CARNS1: variants seen among roughly 807,000 people sequenced by gnomAD.
CARNS1 encodes the protein ATP-grasp domain containing 1.
Under a neutral mutation model 74.0 loss-of-function variants are expected in CARNS1, and 61 were observed. The observed-to-expected ratio is 0.82, with a 90% CI of 0.67 to 1.02. The LOEUF (loss-of-function observed/expected upper bound fraction) is 1.02, where lower values mean the gene tolerates loss of function less well. Among genes scored for constraint, CARNS1 ranks in the 50% least tolerant of loss-of-function variants. The probability of loss-of-function intolerance (pLI) is 0.00; values close to 1 mark genes in which losing one functional copy is unlikely to be tolerated. For synonymous variants in CARNS1, 568 were observed against 605.5 expected, an observed-to-expected ratio of 0.94 and a Z score of 0.91; for missense variants, 1,278 against 1,308.4, an observed-to-expected ratio of 0.98 and a Z score of 0.36.
At position 67,419,754 on chromosome 11, in the gene CARNS1, T is replaced by G; in HGVS notation, c.1029T>G (p.Asp343Glu). ...VYPPAQLPCSDGPSPGPGLAV... is the reference protein window; with the variant it reads ...VYPPAQLPCSEGPSPGPGLAV... The stretch of plus-strand genomic sequence containing the variant: ...TTAGACCTCCCCGTCTTCCCCCAGA[T>G]GGTCCTTCACCCGGCCCCGGCCTGG... Residue 343 changes from aspartate to glutamate, a missense_variant and splice_region_variant, in exon 7 of 10, where the codon GAT (aspartate) becomes GAG (glutamate). Coordinates refer to ENST00000687366, the MANE Select transcript of CARNS1 (RefSeq NM_001166222.2). 6.2e-7 allele frequency: 1 copy of G among 1,603,548 alleles called. No homozygotes were observed. The highest frequency in any genetic ancestry group is 8.5e-7 in the Non-Finnish European group (1 of 1,175,528).
intron 7 of CARNS1, 134 bp from the exon 8 acceptor site, chr11:67,420,475 T>A: frequency 2.1e-6 from 1 of 479,610 alleles, no homozygotes; most frequent in South Asian, 1.1e-4. Flanking sequence ...CGTGTGCAAT[T>A]TAAGACACGT....
At position 67,417,421 on chromosome 11, in the gene CARNS1, A is replaced by G; in HGVS notation, c.18A>G (p.Pro6=). Reference sequence around the variant, plus strand: ...TGCCCTCTCAGCTCTCCCTGGATCCATCGGGTCCCGAGTGGGATTGCCCAC... The same window carrying G: ...TGCCCTCTCAGCTCTCCCTGGATCCGTCGGGTCCCGAGTGGGATTGCCCAC... MLSLD[P]SGPEWDCPLG... The change falls in exon 3 of 10, where the codon CCA becomes CCG. Residue 6 remains proline (P), a synonymous_variant. Coordinates refer to ENST00000687366, the MANE Select transcript of CARNS1 (RefSeq NM_001166222.2). 7 of 1,388,278 alleles carry G rather than the reference A, an allele frequency of 5.0e-6. No homozygotes were observed. Among genetic ancestry groups the G allele is most frequent in the Non-Finnish European group, 6.5e-6 (7 of 1,072,068 alleles). 86.0% of individuals were successfully genotyped at this position (1,388,278 alleles called of 1,614,324 possible).
intron 2 of CARNS1, chr11:67,416,419 A>G (rs1306252425): frequency 2.1e-6 from 3 of 1,395,456 alleles, no homozygotes; most frequent in Non-Finnish European, 2.8e-6. Context: ...ATGGCCCCTC[A>G]GGGAGCTCAC....
intron 5 of CARNS1, 46 bp downstream of exon 5, chr11:67,419,289 G>A (rs1227287757): frequency 2.0e-6 from 3 of 1,467,758 alleles, no homozygotes; most frequent in Non-Finnish European, 2.7e-6. Context: ...ATGCCAGCAG[G>A]ATGGGACCCA....
In CARNS1 at chr11:67,425,058, TC is replaced by T. The variant is rs1490290738; in HGVS notation, c.*458del. ...CCTGAGACTAGAACCCTTGTCTTCC[TC>T]TTACCCAAATTCTAGGATAGCTCTG... is the stretch of plus-strand genomic sequence containing the variant. On this transcript the variant is annotated 3_prime_UTR_variant, in exon 10 of 10. Transcript: ENST00000687366. The T allele has an allele frequency of 2.2e-6, 1 of 462,470 alleles. No homozygotes were observed. Among genetic ancestry groups the T allele is most frequent in the African/African-American group, 2.0e-5 (1 of 50,474 alleles). The allele number at this position is 462,470 out of a possible 1,614,324, so 28.6% of individuals were successfully genotyped here.
rs1411703161 is a variant in CARNS1, at chr11:67,416,100, T to G, written c.-24-76T>G. The G allele has an allele frequency of 3.3e-6, 3 of 903,732 alleles. No homozygotes were observed. The East Asian group carries it at 7.9e-5, about 24-fold the overall frequency. 56.0% of individuals were successfully genotyped at this position (903,732 alleles called of 1,614,324 possible). On this transcript the variant is annotated intron_variant, in intron 1 of 9. Coordinates refer to ENST00000687366, the MANE Select transcript of CARNS1 (RefSeq NM_001166222.2). ...CGGCCACCTCTCCACTCCCAAAGTC[T>G]AGGGGCTGGAAGGCCAGGCAGGGAC...
rs375431003 is a variant in CARNS1, at chr11:67,423,794, A to C, written c.2046A>C (p.Ala682=). The change falls in exon 10 of 10, where the codon GCA becomes GCC. Residue 682 remains alanine, a synonymous_variant. Transcript: ENST00000687366. This position sits in a 1 kb window ranked among gnomAD's most constrained non-coding sequence, Gnocchi z 5.1. ...TGAAGCTGGAGTTCGGGGCAGGTGC[A>C]GTGGGTGTCCGGCTGGTAGAGGATG... ...GVMKLEFGAG[A]VGVRLVEDAP... 3.7e-6 allele frequency: 6 copies of C among 1,603,460 alleles called. No homozygotes were observed. The highest frequency in any genetic ancestry group is 5.1e-6 in the Non-Finnish European group (6 of 1,178,372).
Position 67,416,216 on chromosome 11 carries a change from G to A in CARNS1, c.3+14G>A, listed in dbSNP as rs962986614. 1 of 1,536,834 alleles carries A rather than the reference G, an allele frequency of 6.5e-7. No individual in the cohort carries two copies. Among genetic ancestry groups the A allele is most frequent in the African/African-American group, 1.4e-5 (1 of 73,122 alleles). ...ACCCACGAGATGGTGAGTCTTCTGTGGTCCCTCCCCCACAAGGCCCAAGTC... is the reference window on the plus strand; with the variant it reads ...ACCCACGAGATGGTGAGTCTTCTGTAGTCCCTCCCCCACAAGGCCCAAGTC... On this transcript the variant is annotated intron_variant, in intron 2 of 9. Transcript: ENST00000687366.
At chr11:67,417,237 C>T in intron 2 of CARNS1, 170 bp from the exon 3 acceptor site, 32 of 1,235,696 alleles carry the variant, frequency 2.6e-5, no homozygotes, top group Non-Finnish European at 2.9e-5. Context: ...CGGTTGCGTT[C>T]CCATTAACAA....
intron 2 of CARNS1, 104 bp downstream of exon 2, chr11:67,416,306 C>T (rs1863543594): frequency 6.5e-7 from 1 of 1,528,958 alleles, no homozygotes; most frequent in Non-Finnish European, 8.8e-7. Context: ...GGGAGTTGCC[C>T]CCTGCAGACA....
chr11:67,419,137 T>C lies in CARNS1; in HGVS notation c.746T>C (p.Leu249Pro). ...PGLLRGGDAS[L>P]GLRLVELSGK... ...CTGCTGCGGGGAGGGGATGCCAGCC[T>C]AGGGCTACGGCTGGTGGAGCTGAGT... The change falls in exon 5 of 10, where the codon CTA becomes CCA. Residue 249 changes from leucine to proline, a missense_variant. Leu to Pro is a moderately conservative substitution (Grantham distance 98). Around this residue, in one of 3 missense-constraint regions of CARNS1, gnomAD observed 1,164 missense variants for 1,156.5 expected, o/e 1.01. Transcript: ENST00000687366. 6.4e-7 allele frequency: 1 copy of C among 1,572,884 alleles called. No homozygotes were observed. Among genetic ancestry groups the C allele is most frequent in the Non-Finnish European group, 8.6e-7 (1 of 1,157,572 alleles).
rs1303525949 is a variant in CARNS1, at chr11:67,424,800, C to T, written c.*199C>T. The stretch of plus-strand genomic sequence containing the variant: ...TGGACTCAAGGGCCTCTTGCCCTCC[C>T]GAAGGCCCCAGTCCAGCCTACAGCT... On this transcript the variant is annotated 3_prime_UTR_variant, in exon 10 of 10. Transcript: ENST00000687366. 1.1e-5 allele frequency: 7 copies of T among 648,812 alleles called. No homozygotes were observed. The highest frequency in any genetic ancestry group is 1.9e-5 in the South Asian group (1 of 53,786). 40.2% of individuals were successfully genotyped at this position (648,812 alleles called of 1,614,324 possible). A position where few individuals can be genotyped will look rare whatever the true frequency, so the allele number is the denominator to read the frequency against.
rs1357887280 is a variant in CARNS1 at position 67,424,718 on chromosome 11, G to A, written c.*117G>A. 12 of 1,170,640 alleles carry A rather than the reference G, an allele frequency of 1.0e-5. No homozygotes were observed. The highest frequency in any genetic ancestry group is 3.0e-4 in the Middle Eastern group (1 of 3,388). 72.5% of individuals were successfully genotyped at this position (1,170,640 alleles called of 1,614,324 possible). The stretch of plus-strand genomic sequence containing the variant: ...CCATGCCCCAGCCCCAGCCTGGCCC[G>A]CTGCAATGCCTAGGTCTGTTCCAGA... On this transcript the variant is annotated 3_prime_UTR_variant, in exon 10 of 10. Transcript: ENST00000687366.
At position 67,424,401 on chromosome 11, in the gene CARNS1, C is replaced by G. The variant is rs1222123674; in HGVS notation, c.2653C>G (p.Leu885Val). The change falls in exon 10 of 10, where the codon CTG (leucine) becomes GTG (valine). Residue 885 changes from leucine (L) to valine (V), a missense_variant. Transcript: ENST00000687366. Reference protein sequence around the residue: ...STASRETLQALHDRGLLRLNL... With the variant: ...STASRETLQAVHDRGLLRLNL... ...CGCCAGCCGTGAGACCCTGCAGGCC[C>G]TGCACGACCGTGGACTGCTACGCCT... The G allele has an allele frequency of 6.3e-7, 1 of 1,591,238 alleles. No individual in the cohort carries two copies. Among genetic ancestry groups the G allele is most frequent in the Non-Finnish European group, 8.6e-7 (1 of 1,169,138 alleles).
chr11:67,416,835 G>T, intron 2 of CARNS1: 4 of 986,592 alleles, frequency 4.1e-6, no homozygotes, highest in South Asian at 4.7e-5. Flanking sequence ...CTGCAGGGGG[G>T]ATACTGTCTA....
chr11:67,416,748 T>G, intron 2 of CARNS1: 2 of 986,058 alleles, frequency 2.0e-6, no homozygotes, highest in Non-Finnish European at 2.4e-6. Context: ...CAGCCCCATA[T>G]TGGGGGGGCG....
chr11:67,416,909 C>G lies in CARNS1; in HGVS notation c.4-498C>G, dbSNP rs144648338. 6 of 987,112 alleles carry G rather than the reference C, an allele frequency of 6.1e-6. No homozygotes were observed. In the African/African-American group the frequency reaches 8.7e-5, roughly 14 times the overall value. The allele number at this position is 987,112 out of a possible 1,614,324, so 61.1% of individuals were successfully genotyped here. A position where few individuals can be genotyped will look rare whatever the true frequency, so the allele number is the denominator to read the frequency against. On this transcript the variant is annotated intron_variant, in intron 2 of 9. Transcript: ENST00000687366. The stretch of plus-strand genomic sequence containing the variant: ...GGCTTCAAGACCTACGTGGGGATGA[C>G]AGTGGAATCACATTTAGGTGTCAGC...
chr11:67,423,275 G>A lies in CARNS1; in HGVS notation c.1627-100G>A, dbSNP rs930476260. ...CATTTATTGAGCACCTAGTGTTTGT[G>A]TACTCGTATCCCCTGAAGGGGCCAT... On this transcript the variant is annotated intron_variant, in intron 9 of 9. Transcript: ENST00000687366. The surrounding 1 kb of genome is among the most constrained non-coding windows in gnomAD (Gnocchi z 5.1). 8.5e-7 allele frequency: 1 copy of A among 1,180,570 alleles called. No homozygotes were observed. The highest frequency in any genetic ancestry group is 1.2e-6 in the Non-Finnish European group (1 of 831,512). The allele number at this position is 1,180,570 out of a possible 1,614,324, so 73.1% of individuals were successfully genotyped here.
In CARNS1 at chr11:67,421,214, C is replaced by A. The variant is rs1284302762; in HGVS notation, c.1621C>A (p.Leu541Ile). ...GTGGGAGGCGGCGCGCGACTACGGG[C>A]TCCAGGTGGGCGGGGCGCGGGGCGG... ...FVWEAARDYGLQLHLVESDPN... is the reference protein window; with the variant it reads ...FVWEAARDYGIQLHLVESDPN... The change falls in exon 9 of 10, where the codon CTC becomes ATC. Residue 541 changes from leucine (L) to isoleucine (I), a missense_variant. Leu to Ile is a conservative substitution (Grantham distance 5, BLOSUM62 2). This residue lies in a region of CARNS1 where 1,164 missense variants were observed against 1,156.5 expected (regional missense o/e 1.01). Coordinates refer to ENST00000687366, the MANE Select transcript of CARNS1 (RefSeq NM_001166222.2). 1.5e-5 allele frequency: 23 copies of A among 1,488,282 alleles called. No homozygotes were observed. The highest frequency in any genetic ancestry group is 9.0e-5 in the Admixed American group (4 of 44,476). The allele number at this position is 1,488,282 out of a possible 1,614,324, so 92.2% of individuals were successfully genotyped here. A position where few individuals can be genotyped will look rare whatever the true frequency, so the allele number is the denominator to read the frequency against.
Sources: allele counts gnomAD v4.1 joint callset, GRCh38; gene constraint gnomAD v4.1.1; regional missense constraint gnomAD v4.1.1; non-coding constraint Gnocchi (gnomAD v3.1); transcripts MANE v1.5; gene names NCBI Gene and HGNC (gene_info 2026-07-23, HGNC 2026-07-21).